FBXL17: variants seen among roughly 807,000 people sequenced by gnomAD.
FBXL17 encodes the protein F-box and leucine rich repeat protein 17, also known as F-box/LRR-repeat protein 17.
Under a neutral mutation model 66.2 loss-of-function variants are expected in FBXL17, and 22 were observed. The ratio of observed to expected loss-of-function variants is 0.33; its 90% CI spans 0.24 to 0.47. The LOEUF is 0.47. Among genes scored for constraint, FBXL17 ranks in the 20% least tolerant of loss-of-function variants. The pLI is 1.00. For missense variants in FBXL17, 878 were observed against 948.2 expected (o/e 0.93, Z 0.97); for synonymous variants, 474 against 400.5 (o/e 1.18, Z -2.19).
At chr5:108,093,540 C>T (rs1189192401) in intron 6 of FBXL17, among the ~76,000 whole-genome samples, 2 of 152,158 alleles carry the variant, frequency 1.3e-5, no homozygotes, top group Non-Finnish European at 2.9e-5. Flanking sequence ...GTAATTTACA[C>T]TACTAGATAT....
At chr5:107,945,065 A>G (rs1200689925) in intron 7 of FBXL17, among the ~76,000 whole-genome samples, 1 of 152,090 alleles carries the variant, frequency 6.6e-6, no homozygotes, top group Non-Finnish European at 1.5e-5. Flanking sequence ...ACTACAAATC[A>G]ATAGAAAAAA....
intron 4 of FBXL17, among the ~76,000 whole-genome samples, chr5:108,231,868 C>T (rs1313869749): frequency 1.3e-5 from 2 of 152,112 alleles, no homozygotes; most frequent in African/African-American, 4.8e-5. Flanking sequence ...TTAGTATTAC[C>T]ATGCCCTGTG....
chr5:108,282,829 T>G (rs1757752821), intron 4 of FBXL17, among the ~76,000 whole-genome samples: 1 of 150,628 alleles, frequency 6.6e-6, no homozygotes, highest in African/African-American at 2.4e-5. Context: ...AAAATCAACA[T>G]ACAAAAACCA....
At chr5:108,164,436 C>A (rs1752333828) in intron 6 of FBXL17, among the ~76,000 whole-genome samples, 2 of 152,244 alleles carry the variant, frequency 1.3e-5, no homozygotes, top group South Asian at 4.1e-4. Context: ...TGTAGTTCTG[C>A]TTTATTTAAC....
intron 7 of FBXL17, among the ~76,000 whole-genome samples, chr5:107,901,186 G>A (rs1485062208): frequency 6.6e-6 from 1 of 152,006 alleles, no homozygotes. Flanking sequence ...TGGTATTGTG[G>A]AAAAGAAAGA....
In FBXL17 at chr5:108,099,781, A is replaced by T. The variant is rs532644731; in HGVS notation, c.1746-78780T>A. Among the ~76,000 whole-genome samples, 65 of 152,354 alleles carry T rather than the reference A, an allele frequency of 4.3e-4. 1 individual carries two copies. In the South Asian group the frequency reaches 0.013, roughly 30 times the overall value. ...CAAGTGCCTTTACCTCAAAATAGTT[A>T]ATATGCCAGAATGGCATGTTTGAGG... On this transcript the variant is annotated intron_variant, in intron 6 of 8. Coordinates refer to ENST00000542267, the MANE Select transcript of FBXL17 (RefSeq NM_001163315.3).
chr5:107,954,851 C>G (rs1751608850), intron 7 of FBXL17, among the ~76,000 whole-genome samples: 1 of 151,990 alleles, frequency 6.6e-6, no homozygotes, highest in Non-Finnish European at 1.5e-5. Flanking sequence ...TAGGAAATTC[C>G]TATCTATAAA....
intron 7 of FBXL17, among the ~76,000 whole-genome samples, chr5:107,991,909 C>T (rs1325512795): frequency 6.6e-6 from 1 of 152,114 alleles, no homozygotes; most frequent in African/African-American, 2.4e-5. Context: ...CATATCATTG[C>T]ATTGCTTAAG....
At chr5:108,059,200 C>T (rs1437924948) in intron 6 of FBXL17, among the ~76,000 whole-genome samples, 1 of 152,148 alleles carries the variant, frequency 6.6e-6, no homozygotes, top group Non-Finnish European at 1.5e-5. Context: ...TATTCCTGTG[C>T]AACAATTACC....
At chr5:107,978,506 T>C (rs1752675416) in intron 7 of FBXL17, among the ~76,000 whole-genome samples, 2 of 152,170 alleles carry the variant, frequency 1.3e-5, no homozygotes, top group African/African-American at 4.8e-5. Flanking sequence ...GTAGATAACA[T>C]CACTATTGTA....
Position 108,381,359 on chromosome 5 carries a change from G to A in FBXL17, c.333C>T (p.Asp111=), listed in dbSNP as rs929695344. ...GGAAGCGGCGGGCAGCAGCGGCGCA[G>A]TCCTCGGCGGCCAGGGCCGCGTAGC... The part of the protein sequence containing the change: ...ARRYAALAAE[D]CAAAARRFLL... Residue 111 remains aspartate (D), a synonymous_variant, in exon 1 of 9, where the codon GAC becomes GAT. Transcript: ENST00000542267. 4.5e-6 allele frequency: 6 copies of A among 1,347,298 alleles called. No homozygotes were observed. Among genetic ancestry groups the A allele is most frequent in the Admixed American group, 3.9e-5 (1 of 25,728 alleles). The allele number at this position is 1,347,298 out of a possible 1,614,324, so 83.5% of individuals were successfully genotyped here.
intron 6 of FBXL17, among the ~76,000 whole-genome samples, chr5:108,025,530 A>G (rs1257691376): frequency 6.6e-6 from 1 of 152,114 alleles, no homozygotes; most frequent in Non-Finnish European, 1.5e-5. Flanking sequence ...ATCAAACCTC[A>G]AAACTCCTGA....
intron 5 of FBXL17, among the ~76,000 whole-genome samples, chr5:108,207,972 A>C (rs981019387): frequency 6.6e-6 from 1 of 152,116 alleles, no homozygotes; most frequent in Non-Finnish European, 1.5e-5. Context: ...CCTCTCTAGC[A>C]TCTGTTGTTT....
chr5:108,037,915 A>T, intron 6 of FBXL17, among the ~76,000 whole-genome samples: 1 of 152,180 alleles, frequency 6.6e-6, no homozygotes, highest in East Asian at 1.9e-4. Flanking sequence ...GCCCCAAAAT[A>T]AAAAAACTGA....
chr5:107,898,717 G>A (rs1749467340), intron 7 of FBXL17, among the ~76,000 whole-genome samples: 1 of 152,036 alleles, frequency 6.6e-6, no homozygotes, highest in South Asian at 2.1e-4. Context: ...GAGAACATGT[G>A]GTGTTTGCTT....
intron 4 of FBXL17, among the ~76,000 whole-genome samples, chr5:108,319,153 C>A (rs1759504573): frequency 2.0e-5 from 3 of 151,838 alleles, no homozygotes; most frequent in African/African-American, 7.2e-5. Context: ...TATTTATCTT[C>A]TGTGTAATAG....
intron 6 of FBXL17, among the ~76,000 whole-genome samples, chr5:108,040,883 T>A (rs780282530): frequency 2.6e-5 from 4 of 152,060 alleles, no homozygotes; most frequent in Non-Finnish European, 4.4e-5. Flanking sequence ...TTGGTTTAGA[T>A]CAGGCAATAA....
At chr5:108,376,993 G>T (rs76536035) in intron 1 of FBXL17, among the ~76,000 whole-genome samples, 6,514 of 152,164 alleles carry the variant, frequency 0.043, 765 homozygotes, top group East Asian at 0.39. Context: ...TGTGTCCTGG[G>T]CAGTGTGACT....
chr5:108,083,625 C>T (rs1266540398), intron 6 of FBXL17, among the ~76,000 whole-genome samples: 1 of 151,272 alleles, frequency 6.6e-6, no homozygotes, highest in Non-Finnish European at 1.5e-5. Context: ...TCAGGTTAGC[C>T]TTGAACTTCT....
Sources: gnomAD v4.1 joint callset for allele counts (sites outside exome capture counted in the v4.1 genomes callset) on GRCh38, gnomAD v4.1.1 for gene constraint, MANE v1.5 for transcripts, NCBI Gene and HGNC (gene_info 2026-07-23, HGNC 2026-07-21) for gene names.